CPED1: variants seen among roughly 807,000 people sequenced by gnomAD.
CPED1 encodes cadherin like and PC-esterase domain containing 1, also known as cadherin-like and PC-esterase domain-containing protein 1.
Under a neutral mutation model 128.2 loss-of-function variants are expected in CPED1, and 114 were observed. The observed-to-expected ratio is 0.89, with a 90% CI of 0.76 to 1.04. The LOEUF (loss-of-function observed/expected upper bound fraction) is 1.04. CPED1 is among the 50% of genes least tolerant of loss of function. The probability of loss-of-function intolerance (pLI) is 0.00; values close to 1 mark genes in which losing one functional copy is unlikely to be tolerated. For synonymous variants in CPED1, 462 were observed against 426.7 expected, an observed-to-expected ratio of 1.08 and a Z score of -1.02; for missense variants, 1,211 against 1,207.1, an observed-to-expected ratio of 1.00 and a Z score of -0.05.
At chr7:121,118,640 TGTGA>T (rs1795311559) in intron 7 of CPED1, among the ~76,000 whole-genome samples, 1 of 151,854 alleles carries the variant, frequency 6.6e-6, no homozygotes, top group Non-Finnish European at 1.5e-5. Context: ...CTTGTGTTGC[TGTGA>T]GTATCTGAGA....
intron 7 of CPED1, among the ~76,000 whole-genome samples, chr7:121,110,443 T>A (rs1233019182): frequency 6.6e-6 from 1 of 152,180 alleles, no homozygotes; most frequent in Non-Finnish European, 1.5e-5. Context: ...GTCTGCCCAC[T>A]TTATGAGAGG....
intron 7 of CPED1, among the ~76,000 whole-genome samples, chr7:121,109,972 A>G (rs1462489184): frequency 6.6e-6 from 1 of 152,152 alleles, no homozygotes; most frequent in African/African-American, 2.4e-5. Context: ...TTTTTACTTT[A>G]AAGGAGAGAG....
Position 121,044,650 on chromosome 7 carries a change from CT to C in CPED1, c.434-2218del, listed in dbSNP as rs58884492. On this transcript the variant is annotated intron_variant, in intron 3 of 22. Transcript: ENST00000310396. ...TTGCTGAGAGCAGTGACTTTCTGCTCTTTTTTTTTTTTTTTTTTTGCTATTT... is the reference window on the plus strand; with the variant it reads ...TTGCTGAGAGCAGTGACTTTCTGCTCTTTTTTTTTTTTTTTTTTGCTATTT... Among the ~76,000 whole-genome samples, 487 of 106,026 alleles carry C rather than the reference CT, an allele frequency of 4.6e-3. 6 individuals carry two copies. Among genetic ancestry groups the C allele is most frequent in the African/African-American group, 0.014 (421 of 29,306 alleles). The allele number at this position is 106,026 out of a possible 152,430, so 69.6% of individuals were successfully genotyped here.
chr7:121,082,317 G>A (rs146823492), intron 5 of CPED1, among the ~76,000 whole-genome samples: 29 of 152,214 alleles, frequency 1.9e-4, no homozygotes, highest in African/African-American at 6.5e-4. Flanking sequence ...GGATTGATTT[G>A]CAGAAAGCAA....
intron 12 of CPED1, among the ~76,000 whole-genome samples, chr7:121,131,311 A>G (rs958298552): frequency 1.3e-5 from 2 of 152,054 alleles, no homozygotes; most frequent in Non-Finnish European, 2.9e-5. Context: ...TATTTCCTCA[A>G]TACCTGGAAG....
chr7:121,297,184 A>T lies in CPED1; in HGVS notation c.*1532A>T, dbSNP rs558276567. The stretch of plus-strand genomic sequence containing the variant: ...ATAAAACTTTTCTAATATACACTTA[A>T]ATGCAAACATCATTTTTAAATTTTC... On this transcript the variant is annotated 3_prime_UTR_variant, in exon 23 of 23. Transcript: ENST00000310396. 6 of 152,096 alleles carry T rather than the reference A, an allele frequency of 3.9e-5. No homozygotes were observed. Among genetic ancestry groups the T allele is most frequent in the Non-Finnish European group, 8.8e-5 (6 of 67,946 alleles). 9.4% of individuals were successfully genotyped at this position (152,096 alleles called of 1,614,324 possible). A position where few individuals can be genotyped will look rare whatever the true frequency, so the allele number is the denominator to read the frequency against.
intron 4 of CPED1, among the ~76,000 whole-genome samples, chr7:121,057,996 G>A (rs1303126368): frequency 6.6e-6 from 1 of 152,194 alleles, no homozygotes; most frequent in African/African-American, 2.4e-5. Flanking sequence ...CCCCATGCCA[G>A]TGTCTGGGGT....
intron 7 of CPED1, among the ~76,000 whole-genome samples, chr7:121,110,228 T>G (rs2116260348): frequency 6.6e-6 from 1 of 152,290 alleles, no homozygotes; most frequent in Non-Finnish European, 1.5e-5. Flanking sequence ...GGCTACCTCT[T>G]ATATGCTAGA....
intron 3 of CPED1, among the ~76,000 whole-genome samples, chr7:121,023,766 C>A (rs933180725): frequency 6.6e-6 from 1 of 152,074 alleles, no homozygotes; most frequent in Non-Finnish European, 1.5e-5. Context: ...TAATGAACTT[C>A]TCTTCTCATT....
intron 3 of CPED1, among the ~76,000 whole-genome samples, chr7:121,027,087 C>T (rs902509681): frequency 2.0e-5 from 3 of 151,594 alleles, no homozygotes; most frequent in African/African-American, 4.8e-5. Context: ...GCAATTGTCC[C>T]GCCTCAGCAT....
intron 16 of CPED1, among the ~76,000 whole-genome samples, chr7:121,158,566 C>CTT (rs78966935): frequency 1.2e-4 from 17 of 143,466 alleles, no homozygotes; most frequent in African/African-American, 2.3e-4. Context: ...TATTAATCAT[C>CTT]TTTTTTTTTT....
intron 16 of CPED1, among the ~76,000 whole-genome samples, chr7:121,226,914 T>C (rs984024030): frequency 6.6e-6 from 1 of 152,116 alleles, no homozygotes; most frequent in African/African-American, 2.4e-5. Flanking sequence ...CAAGGAGAGT[T>C]GTTAAATTTA....
At chr7:121,101,269 A>G (rs1181238184) in intron 7 of CPED1, among the ~76,000 whole-genome samples, 1 of 151,908 alleles carries the variant, frequency 6.6e-6, no homozygotes, top group East Asian at 1.9e-4. Context: ...ACAAAACAAA[A>G]CTTTATCAAG....
intron 2 of CPED1, among the ~76,000 whole-genome samples, chr7:120,999,940 T>G (rs1050270722): frequency 4.6e-5 from 7 of 152,176 alleles, no homozygotes; most frequent in Non-Finnish European, 7.4e-5. Context: ...ATTTTATAAG[T>G]GTCATTCTCT....
chr7:121,275,607 TA>T (rs1792315248), intron 22 of CPED1, among the ~76,000 whole-genome samples: 1 of 152,242 alleles, frequency 6.6e-6, no homozygotes, highest in African/African-American at 2.4e-5. Context: ...AGACCTTATA[TA>T]ATATCTTCCT....
intron 22 of CPED1, among the ~76,000 whole-genome samples, chr7:121,280,800 C>T (rs573237409): frequency 1.3e-5 from 2 of 152,226 alleles, no homozygotes; most frequent in South Asian, 4.1e-4. Context: ...TATTTTTATT[C>T]CACTTTTGTG....
chr7:121,015,134 G>A (rs1279221630), intron 2 of CPED1, among the ~76,000 whole-genome samples: 1 of 152,118 alleles, frequency 6.6e-6, no homozygotes, highest in Non-Finnish European at 1.5e-5. Context: ...TCACTGAGAT[G>A]CATTCCAGTT....
chr7:121,202,619 C>G (rs927287158), intron 16 of CPED1, among the ~76,000 whole-genome samples: 8 of 151,990 alleles, frequency 5.3e-5, no homozygotes, highest in Non-Finnish European at 1.0e-4. Flanking sequence ...CTCAGTTGAC[C>G]CTCCCAGTAA....
At chr7:121,237,367 A>G (rs1359224485) in intron 17 of CPED1, among the ~76,000 whole-genome samples, 2 of 152,130 alleles carry the variant, frequency 1.3e-5, no homozygotes, top group Non-Finnish European at 2.9e-5. Flanking sequence ...TCAGTTTTAA[A>G]TTATCTCTTT....
Sources: allele counts gnomAD v4.1 joint callset (sites outside exome capture counted in the v4.1 genomes callset), GRCh38; gene constraint gnomAD v4.1.1; transcripts MANE v1.5; gene names NCBI Gene and HGNC (gene_info 2026-07-23, HGNC 2026-07-21).